CCDC3: variants seen among roughly 807,000 people sequenced by gnomAD.
CCDC3 encodes the protein coiled-coil domain-containing protein 3.
Under a neutral mutation model 21.4 loss-of-function variants are expected in CCDC3, and 24 were observed. That is an observed-to-expected ratio of 1.12 (90% CI 0.81 to 1.58). The LOEUF (loss-of-function observed/expected upper bound fraction) is 1.58. CCDC3 is among the 40% of genes most tolerant of loss of function. The probability of loss-of-function intolerance (pLI) is 0.00; values close to 1 mark genes in which losing one functional copy is unlikely to be tolerated. For missense variants in CCDC3, 425 were observed against 360.9 expected, an observed-to-expected ratio of 1.18 and a Z score of -1.44; for synonymous variants, 186 against 166.0, an observed-to-expected ratio of 1.12 and a Z score of -0.93.
chr10:12,936,131 A>C (rs1319950079), intron 2 of CCDC3, among the ~76,000 whole-genome samples: 1 of 152,156 alleles, frequency 6.6e-6, no homozygotes, highest in Non-Finnish European at 1.5e-5. Context: ...CAACTTCTTT[A>C]AACATTTCTT....
chr10:13,051,841 T>C (rs1836611924), intron 4 of CCDC3, among the ~76,000 whole-genome samples: 1 of 152,054 alleles, frequency 6.6e-6, no homozygotes, highest in Non-Finnish European at 1.5e-5. Flanking sequence ...GGGGGAACAG[T>C]TCTGAACCAG....
chr10:13,059,871 T>C (rs1212405338), intron 4 of CCDC3, among the ~76,000 whole-genome samples: 9 of 152,048 alleles, frequency 5.9e-5, no homozygotes, highest in Non-Finnish European at 1.3e-4. Flanking sequence ...GGGCGGATCA[T>C]GAGGTCAGGA....
chr10:12,919,824 C>G (rs1834420703), intron 2 of CCDC3, among the ~76,000 whole-genome samples: 1 of 152,172 alleles, frequency 6.6e-6, no homozygotes, highest in South Asian at 2.1e-4. Context: ...AAATCCTTGC[C>G]CTGCAGGGAT....
chr10:12,982,151 A>AAAAT (rs1835508274), intron 2 of CCDC3, among the ~76,000 whole-genome samples: 1 of 127,572 alleles, frequency 7.8e-6, no homozygotes, highest in African/African-American at 2.8e-5. Context: ...AAAAAAAAAA[A>AAAAT]GTGAGCTACC....
intron 5 of CCDC3, among the ~76,000 whole-genome samples, chr10:13,046,590 CCAGCTACT>C (rs1836532782): frequency 6.6e-6 from 1 of 151,624 alleles, no homozygotes; most frequent in Admixed American, 6.6e-5. Flanking sequence ...GCCTGTAATC[CCAGCTACT>C]CAGGAGGCTG....
chr10:13,046,081 A>G (rs1836522810), intron 5 of CCDC3, among the ~76,000 whole-genome samples: 1 of 151,582 alleles, frequency 6.6e-6, no homozygotes, highest in Non-Finnish European at 1.5e-5. Context: ...ACAGAGTGAG[A>G]CTCCATCTCC....
At chr10:13,043,725 T>C (rs1417147747) in intron 5 of CCDC3, among the ~76,000 whole-genome samples, 1 of 152,272 alleles carries the variant, frequency 6.6e-6, no homozygotes, top group African/African-American at 2.4e-5. Flanking sequence ...CTGGTGCATA[T>C]GTACCACATT....
chr10:13,027,419 T>C (rs1170884910), intron 5 of CCDC3, among the ~76,000 whole-genome samples: 1 of 152,180 alleles, frequency 6.6e-6, no homozygotes, highest in Admixed American at 6.5e-5. Flanking sequence ...ACACATCCCA[T>C]AATAATATGA....
intron 2 of CCDC3, among the ~76,000 whole-genome samples, chr10:12,997,942 C>T (rs140245322): frequency 8.7e-4 from 132 of 152,236 alleles, no homozygotes; most frequent in Middle Eastern, 3.4e-3. Context: ...AGAAAAATCT[C>T]GTAATGTTCT....
At chr10:12,972,541 C>T (rs1355607742) in intron 2 of CCDC3, among the ~76,000 whole-genome samples, 1 of 152,176 alleles carries the variant, frequency 6.6e-6, no homozygotes, top group Non-Finnish European at 1.5e-5. Flanking sequence ...TTGGGCCAGG[C>T]ACGATGGCAT....
At chr10:13,067,920 T>TCTTG (rs1220109576) in intron 4 of CCDC3, among the ~76,000 whole-genome samples, 2 of 152,148 alleles carry the variant, frequency 1.3e-5, no homozygotes, top group Admixed American at 6.5e-5. Context: ...TCTTTACGTT[T>TCTTG]TTTGTTTGTT....
chr10:13,050,493 C>T (rs1472289711), intron 4 of CCDC3, among the ~76,000 whole-genome samples: 1 of 148,558 alleles, frequency 6.7e-6, no homozygotes, highest in African/African-American at 2.5e-5. Context: ...CGGAGTCTCG[C>T]CCTATAACCC....
chr10:12,921,673 C>T (rs1209970847), intron 2 of CCDC3, among the ~76,000 whole-genome samples: 33 of 152,182 alleles, frequency 2.2e-4, no homozygotes, highest in Admixed American at 2.2e-3. Flanking sequence ...ATTTATCTTG[C>T]ACAACTATAA....
chr10:12,919,574 A>G (rs1037806007), intron 2 of CCDC3, among the ~76,000 whole-genome samples: 2 of 135,728 alleles, frequency 1.5e-5, no homozygotes, highest in African/African-American at 5.6e-5. Context: ...TGGGCTACAG[A>G]GCAAGACTGT....
At chr10:12,919,079 G>C (rs1347514351) in intron 2 of CCDC3, among the ~76,000 whole-genome samples, 3 of 151,882 alleles carry the variant, frequency 2.0e-5, no homozygotes, top group Non-Finnish European at 4.4e-5. Flanking sequence ...AAACAAAAAA[G>C]ACACCAAGTT....
chr10:12,906,602 A>G (rs1834176675), intron 2 of CCDC3, among the ~76,000 whole-genome samples: 1 of 152,168 alleles, frequency 6.6e-6, no homozygotes, highest in South Asian at 2.1e-4. Context: ...ACGTACCCAG[A>G]TACCTGTTAG....
At chr10:13,078,301 C>T (rs561641097) in intron 3 of CCDC3, among the ~76,000 whole-genome samples, 2 of 152,040 alleles carry the variant, frequency 1.3e-5, no homozygotes, top group African/African-American at 4.8e-5. Flanking sequence ...AAATCAAAAC[C>T]ACAATGAGAT....
chr10:12,923,223 C>T (rs761679176), intron 2 of CCDC3, among the ~76,000 whole-genome samples: 1 of 152,168 alleles, frequency 6.6e-6, no homozygotes, highest in Non-Finnish European at 1.5e-5. Flanking sequence ...TTGGGGAACA[C>T]AGGTCAGTAC....
chr10:13,052,038 T>G (rs1447057636), intron 4 of CCDC3, among the ~76,000 whole-genome samples: 2 of 152,112 alleles, frequency 1.3e-5, no homozygotes, highest in Admixed American at 1.3e-4. Flanking sequence ...TTTATGGGAC[T>G]TCAGGAGAAG....
Sources: allele counts gnomAD v4.1 joint callset (sites outside exome capture counted in the v4.1 genomes callset), GRCh38; gene constraint gnomAD v4.1.1; transcripts MANE v1.5; gene names NCBI Gene and HGNC (gene_info 2026-07-23, HGNC 2026-07-21).